CEP57L1: variants seen among roughly 807,000 people sequenced by gnomAD.
The protein encoded by CEP57L1 is centrosomal protein CEP57L1.
A neutral mutation model predicts 61.0 loss-of-function variants in CEP57L1; 37 were observed. The observed-to-expected ratio is 0.61, with a 90% CI of 0.47 to 0.80. The LOEUF (loss-of-function observed/expected upper bound fraction) is 0.80. Ranked by LOEUF, CEP57L1 falls within the 30% of genes least tolerant of loss-of-function variation. CEP57L1 has a pLI of 0.00. For synonymous variants in CEP57L1, 137 were observed against 162.3 expected (o/e 0.84, Z 1.19); for missense variants, 422 against 524.7 (o/e 0.80, Z 1.91).
rs974748897 is a variant in CEP57L1, at chr6:109,153,856, A to G, written c.486A>G (p.Glu162=). 1 of 1,611,466 alleles carries G rather than the reference A, an allele frequency of 6.2e-7. No homozygotes were observed. The change falls in exon 5 of 11, where the codon GAA becomes GAG. Residue 162 remains glutamate, a synonymous_variant. Coordinates refer to ENST00000517392, the MANE Select transcript of CEP57L1 (RefSeq NM_001271852.3). ...EQQAQLQREK[E]QDQMKLYAKL... The stretch of plus-strand genomic sequence containing the variant: ...AGGCCCAGCTTCAGAGGGAAAAAGA[A>G]CAAGATCAGATGAAGCTGTATGCAA...
chr6:109,130,318 C>T (rs996783172), intron 1 of CEP57L1, among the ~76,000 whole-genome samples: 1 of 152,144 alleles, frequency 6.6e-6, no homozygotes, highest in African/African-American at 2.4e-5. Context: ...TTACATAAGA[C>T]AAACATCATA....
intron 1 of CEP57L1, among the ~76,000 whole-genome samples, chr6:109,121,611 T>A (rs557535920): frequency 6.6e-6 from 1 of 152,334 alleles, no homozygotes; most frequent in African/African-American, 2.4e-5. Flanking sequence ...GTTTGCTGTT[T>A]GTCTTGTTAT....
chr6:109,158,772 T>G (rs1455672978), intron 7 of CEP57L1: 5 of 538,922 alleles, frequency 9.3e-6, no homozygotes, highest in Non-Finnish European at 1.3e-5. Flanking sequence ...TTGTCACTGT[T>G]TTTTATTTTG....
chr6:109,109,867 A>G (rs1583392237), intron 1 of CEP57L1, among the ~76,000 whole-genome samples: 1 of 152,164 alleles, frequency 6.6e-6, no homozygotes, highest in East Asian at 1.9e-4. Flanking sequence ...AAGGACATGA[A>G]CTCATTCTTT....
At chr6:109,159,959 G>A (rs984692841) in intron 9 of CEP57L1, among the ~76,000 whole-genome samples, 7 of 152,084 alleles carry the variant, frequency 4.6e-5, no homozygotes, top group African/African-American at 1.7e-4. Context: ...TAGACAAGTA[G>A]GAATGTAATT....
At chr6:109,132,830 A>G (rs1774346503) in intron 1 of CEP57L1, among the ~76,000 whole-genome samples, 1 of 152,152 alleles carries the variant, frequency 6.6e-6, no homozygotes, top group Non-Finnish European at 1.5e-5. Flanking sequence ...TGTGGTTTTA[A>G]GTTGCATTTC....
chr6:109,095,215 A>G (rs540039021), upstream of CEP57L1: 1 of 985,482 alleles, frequency 1.0e-6, no homozygotes, highest in South Asian at 4.7e-5. Context: ...CCGTTCCCGG[A>G]CGTTTGGACT....
At chr6:109,115,189 GT>G (rs1772132809) in intron 1 of CEP57L1, among the ~76,000 whole-genome samples, 1 of 151,862 alleles carries the variant, frequency 6.6e-6, no homozygotes, top group South Asian at 2.1e-4. Context: ...GTTAGGGGTA[GT>G]AGTGGATAAA....
chr6:109,159,153 TGTAA>T (rs1287363959), intron 8 of CEP57L1, 51 bp downstream of exon 8: 1 of 1,613,860 alleles, frequency 6.2e-7, no homozygotes, highest in Non-Finnish European at 8.5e-7. Flanking sequence ...CCTGTTTTGT[TGTAA>T]GTGCTATTTA....
At chr6:109,102,625 A>T in intron 1 of CEP57L1, among the ~76,000 whole-genome samples, 1 of 151,920 alleles carries the variant, frequency 6.6e-6, no homozygotes, top group East Asian at 1.9e-4. Context: ...TGTGTTTTGC[A>T]TATAGGTTTA....
rs1159830415 is a variant in CEP57L1, at chr6:109,150,202, A to G, written c.425A>G (p.Asn142Ser). ...GAATATACAAAGAGAATGGTTCTCAACGTAGAGCGAGAAAAGAACATGATC... is the reference window on the plus strand; with the variant it reads ...GAATATACAAAGAGAATGGTTCTCAGCGTAGAGCGAGAAAAGAACATGATC... Reference protein sequence around the residue: ...QLEYTKRMVLNVEREKNMILE... With the variant: ...QLEYTKRMVLSVEREKNMILE... The change falls in exon 4 of 11, where the codon AAC becomes AGC. Residue 142 changes from asparagine (N) to serine (S), a missense_variant. Coordinates refer to ENST00000517392, the MANE Select transcript of CEP57L1 (RefSeq NM_001271852.3). 2.5e-6 allele frequency: 4 copies of G among 1,606,670 alleles called. No homozygotes were observed. Among genetic ancestry groups the G allele is most frequent in the Non-Finnish European group, 3.4e-6 (4 of 1,173,754 alleles).
rs966137255 is a variant in CEP57L1 at position 109,170,719 on chromosome 6, T to G, written c.*7749T>G. On this transcript the variant is annotated 3_prime_UTR_variant, in exon 11 of 11. Transcript: ENST00000517392. ...GTGGAACATTTATGGTTTTATAACTTACAATTTCTAGCAAAAGTATCTTTA... is the reference window on the plus strand; with the variant it reads ...GTGGAACATTTATGGTTTTATAACTGACAATTTCTAGCAAAAGTATCTTTA... 6.6e-6 allele frequency among the ~76,000 whole-genome samples: 1 copy of G among 152,226 alleles called. No individual in the cohort carries two copies. The highest frequency in any genetic ancestry group is 2.4e-5 in the African/African-American group (1 of 41,456).
intron 1 of CEP57L1, among the ~76,000 whole-genome samples, chr6:109,112,329 C>G (rs1339115732): frequency 1.3e-5 from 2 of 152,274 alleles, no homozygotes; most frequent in East Asian, 3.9e-4. Flanking sequence ...TTATAGTATT[C>G]TGTGATGGTA....
intron 1 of CEP57L1, among the ~76,000 whole-genome samples, chr6:109,108,463 C>A (rs2114610222): frequency 6.6e-6 from 1 of 152,174 alleles, no homozygotes; most frequent in Admixed American, 6.5e-5. Flanking sequence ...CCACCTGTCT[C>A]AGCCTCCCAA....
At chr6:109,120,912 G>GCACACACA (rs71747421) in intron 1 of CEP57L1, among the ~76,000 whole-genome samples, 24 of 133,562 alleles carry the variant, frequency 1.8e-4, no homozygotes, top group Non-Finnish European at 2.8e-4. Context: ...TTAGACACAC[G>GCACACACA]CACACACACA....
At chr6:109,108,364 C>T (rs530605207) in intron 1 of CEP57L1, among the ~76,000 whole-genome samples, 280 of 152,042 alleles carry the variant, frequency 1.8e-3, no homozygotes, top group African/African-American at 6.4e-3. Context: ...CCTCACCTGC[C>T]ACCACGCCCT....
chr6:109,098,492 G>T (rs1191365319), intron 1 of CEP57L1, among the ~76,000 whole-genome samples: 3 of 152,052 alleles, frequency 2.0e-5, no homozygotes, highest in Admixed American at 2.0e-4. Flanking sequence ...ACCCAGGCTG[G>T]AGTATAGTCA....
chr6:109,125,492 C>CTATATATATA (rs3081793), intron 1 of CEP57L1, among the ~76,000 whole-genome samples: 1 of 143,072 alleles, frequency 7.0e-6, no homozygotes, highest in African/African-American at 2.6e-5. Flanking sequence ...TTTTTAAATG[C>CTATATATATA]TATATATATA....
At chr6:109,142,821 T>C (rs1031081075) in intron 1 of CEP57L1, among the ~76,000 whole-genome samples, 1 of 152,178 alleles carries the variant, frequency 6.6e-6, no homozygotes, top group East Asian at 1.9e-4. Context: ...TACTTCTCTG[T>C]ATTTTCAGAA....
Sources: allele counts gnomAD v4.1 joint callset (sites outside exome capture counted in the v4.1 genomes callset), GRCh38; gene constraint gnomAD v4.1.1; transcripts MANE v1.5; gene names NCBI Gene and HGNC (gene_info 2026-07-23, HGNC 2026-07-21).